COL22A1: variants seen among roughly 807,000 people sequenced by gnomAD.
The protein encoded by COL22A1 is collagen alpha-1(XXII) chain.
A neutral mutation model predicts 248.9 loss-of-function variants in COL22A1; 221 were observed. The ratio of observed to expected loss-of-function variants is 0.89; its 90% CI spans 0.80 to 0.99. COL22A1 has a LOEUF of 0.99. Ranked by LOEUF, COL22A1 falls within the 50% of genes least tolerant of loss-of-function variation. The pLI is 0.00. For missense variants in COL22A1, 2,240 were observed against 2,179.0 expected (o/e 1.03, Z -0.56); for synonymous variants, 891 against 793.4 (o/e 1.12, Z -2.07).
In COL22A1 at chr8:138,630,698, T is replaced by G. The variant is rs752936673; in HGVS notation, c.3660A>C (p.Ser1220=). The change falls in exon 50 of 65, where the codon TCA becomes TCC. Residue 1220 remains serine, a synonymous_variant. Transcript: ENST00000303045. ...TCCCATTCCTTGAGGAACTTACAGG[T>G]GACCCTTGGATTCCTGGTGGTCCAG... The part of the protein sequence containing the change: ...GAAGPPGIQG[S]PGKEGPPGPQ... 18 of 1,613,720 alleles carry G rather than the reference T, an allele frequency of 1.1e-5. No homozygotes were observed. The highest frequency in any genetic ancestry group is 1.7e-4 in the Middle Eastern group (1 of 6,056).
intron 31 of COL22A1, among the ~76,000 whole-genome samples, chr8:138,700,558 A>G (rs1208573764): frequency 1.3e-5 from 2 of 152,204 alleles, no homozygotes; most frequent in African/African-American, 2.4e-5. Context: ...GCAGGGATGC[A>G]GGTGCGTAGT....
chr8:138,767,483 C>T (rs778603036), intron 16 of COL22A1, among the ~76,000 whole-genome samples: 5 of 152,032 alleles, frequency 3.3e-5, no homozygotes, highest in Non-Finnish European at 5.9e-5. Flanking sequence ...GATAACAAAA[C>T]ACACAAAAAA....
chr8:138,770,295 T>C (rs4736183), intron 16 of COL22A1, among the ~76,000 whole-genome samples: 63,284 of 152,030 alleles, frequency 0.42, 13,714 homozygotes, highest in African/African-American at 0.52. Flanking sequence ...TGGCCCTTTT[T>C]GTGTGTAGAC....
At chr8:138,664,217 A>ATG (rs1564164494) in intron 41 of COL22A1, among the ~76,000 whole-genome samples, 1 of 107,432 alleles carries the variant, frequency 9.3e-6, no homozygotes. Context: ...GCGCACACAC[A>ATG]CACACACACA....
At chr8:138,879,713 AAG>A (rs1356445382) in intron 2 of COL22A1, among the ~76,000 whole-genome samples, 9 of 36,838 alleles carry the variant, frequency 2.4e-4, no homozygotes, top group African/African-American at 4.9e-4. Context: ...AAAAAAAAAA[AAG>A]AAGAAGAAGA....
chr8:138,829,643 T>C (rs186766695), intron 5 of COL22A1, among the ~76,000 whole-genome samples: 3 of 152,222 alleles, frequency 2.0e-5, no homozygotes, highest in Admixed American at 6.5e-5. Flanking sequence ...TTTCACCACA[T>C]TGGCCAGGCT....
At chr8:138,611,786 G>A (rs1818883694) in intron 56 of COL22A1, among the ~76,000 whole-genome samples, 1 of 152,168 alleles carries the variant, frequency 6.6e-6, no homozygotes, top group African/African-American at 2.4e-5. Context: ...GCTAAGTTCT[G>A]AAAAGAAGGG....
chr8:138,855,235 T>C (rs1482489723), intron 3 of COL22A1, among the ~76,000 whole-genome samples: 2 of 152,246 alleles, frequency 1.3e-5, no homozygotes, highest in Non-Finnish European at 2.9e-5. Flanking sequence ...TCACTTTGCA[T>C]ACATATCAAT....
intron 12 of COL22A1, among the ~76,000 whole-genome samples, chr8:138,781,414 G>A (rs1457158314): frequency 2.0e-5 from 3 of 152,182 alleles, no homozygotes; most frequent in Non-Finnish European, 4.4e-5. Flanking sequence ...GTGCACTGTA[G>A]GATGCTCGGC....
In COL22A1 at chr8:138,883,070, C is replaced by T. The variant is rs533300977; in HGVS notation, c.91+12G>A. On this transcript the variant is annotated intron_variant, in intron 2 of 64. Coordinates refer to ENST00000303045, the MANE Select transcript of COL22A1 (RefSeq NM_152888.3). ...CCCCAGCACAGCATGGCACAGCCCA[C>T]GGTGGCCCCACCTGCCCGCTGAGCC... The T allele has an allele frequency of 2.0e-5, 32 of 1,567,548 alleles. No homozygotes were observed. The highest frequency in any genetic ancestry group is 5.4e-5 in the African/African-American group (4 of 73,978).
At chr8:138,855,761 C>T (rs1821961798) in intron 3 of COL22A1, among the ~76,000 whole-genome samples, 1 of 152,228 alleles carries the variant, frequency 6.6e-6, no homozygotes, top group African/African-American at 2.4e-5. Flanking sequence ...ATGAGCAACA[C>T]CAATTCCTTT....
At chr8:138,779,130 C>G (rs544670675) in intron 14 of COL22A1, among the ~76,000 whole-genome samples, 1 of 152,128 alleles carries the variant, frequency 6.6e-6, no homozygotes, top group African/African-American at 2.4e-5. Context: ...GTCCTTAGGA[C>G]CATAAATAGG....
chr8:138,865,591 ATGTG>A (rs904323367), intron 3 of COL22A1, among the ~76,000 whole-genome samples: 2 of 129,802 alleles, frequency 1.5e-5, no homozygotes, highest in African/African-American at 3.0e-5. Flanking sequence ...GTGTGAGTGT[ATGTG>A]TGTGTATGTT....
At chr8:138,654,430 G>A (rs1823035002) in intron 45 of COL22A1, among the ~76,000 whole-genome samples, 1 of 152,180 alleles carries the variant, frequency 6.6e-6, no homozygotes, top group Non-Finnish European at 1.5e-5. Context: ...TTTACAGTGA[G>A]ATTGAACGCC....
intron 50 of COL22A1, among the ~76,000 whole-genome samples, chr8:138,630,182 G>A (rs139744005): frequency 2.0e-5 from 3 of 152,312 alleles, no homozygotes; most frequent in African/African-American, 7.2e-5. Context: ...TGAGATAAAA[G>A]CCTTCGGTTC....
At position 138,716,805 on chromosome 8, in the gene COL22A1, A is replaced by G. The variant is rs780880516; in HGVS notation, c.2400+20T>C. 2.5e-6 allele frequency: 4 copies of G among 1,584,092 alleles called. No homozygotes were observed. Among genetic ancestry groups the G allele is most frequent in the Admixed American group, 3.3e-5 (2 of 59,958 alleles). ...GAATGAATGAATAAAATGAATGAAT[A>G]AAAGCACAAACAAACAGACCTTCTC... On this transcript the variant is annotated intron_variant, in intron 28 of 64. Coordinates refer to ENST00000303045, the MANE Select transcript of COL22A1 (RefSeq NM_152888.3).
intron 51 of COL22A1, among the ~76,000 whole-genome samples, chr8:138,625,416 C>T (rs1383637957): frequency 1.3e-5 from 2 of 152,070 alleles, no homozygotes; most frequent in African/African-American, 4.8e-5. Context: ...CAGCAGCAAG[C>T]AGAGGCCAAA....
chr8:138,774,980 AC>A (rs1275229395), intron 16 of COL22A1, among the ~76,000 whole-genome samples: 2 of 152,168 alleles, frequency 1.3e-5, no homozygotes, highest in East Asian at 3.9e-4. Context: ...CTACGTGCCC[AC>A]TATAGTTGTA....
chr8:138,706,186 T>C (rs1390836743), intron 30 of COL22A1, among the ~76,000 whole-genome samples: 5 of 152,110 alleles, frequency 3.3e-5, no homozygotes, highest in Admixed American at 2.0e-4. Context: ...ACAATAATAA[T>C]GGGAGACTTT....
Sources: gnomAD v4.1 joint callset for allele counts (sites outside exome capture counted in the v4.1 genomes callset) on GRCh38, gnomAD v4.1.1 for gene constraint, MANE v1.5 for transcripts, NCBI Gene and HGNC (gene_info 2026-07-23, HGNC 2026-07-21) for gene names.